The following GPC5 variants were observed in gnomAD, a reference collection of about 807,000 sequenced individuals.
GPC5 encodes the protein glypican-5.
In GPC5, 47 loss-of-function variants were observed where a neutral mutation model predicts 53.9. The observed-to-expected ratio is 0.87, with a 90% CI of 0.69 to 1.11. The LOEUF (loss-of-function observed/expected upper bound fraction) is 1.11, where lower values mean the gene tolerates loss of function less well. GPC5 is among the 50% of genes most tolerant of loss of function. The pLI, the probability that GPC5 is intolerant of heterozygous loss-of-function variation, is 0.00. For missense variants in GPC5, 748 were observed against 713.1 expected, an observed-to-expected ratio of 1.05 and a Z score of -0.56; for synonymous variants, 286 against 263.3, an observed-to-expected ratio of 1.09 and a Z score of -0.84.
chr13:92,654,734 C>T (rs1886069419), intron 7 of GPC5, among the ~76,000 whole-genome samples: 1 of 137,896 alleles, frequency 7.3e-6, no homozygotes, highest in Non-Finnish European at 1.5e-5. Flanking sequence ...ATACTCAACT[C>T]TTTTTACCTT....
chr13:92,355,451 C>T (rs1013138873), intron 7 of GPC5, among the ~76,000 whole-genome samples: 4 of 152,178 alleles, frequency 2.6e-5, no homozygotes, highest in Admixed American at 1.3e-4. Flanking sequence ...AGCATTCCTT[C>T]TTGATTTGCA....
At chr13:92,040,882 C>T (rs2040936474) in intron 6 of GPC5, among the ~76,000 whole-genome samples, 1 of 152,130 alleles carries the variant, frequency 6.6e-6, no homozygotes, top group Non-Finnish European at 1.5e-5. Flanking sequence ...CAAAGTTTTG[C>T]TTTTGTTACC....
At chr13:92,317,661 T>C (rs1039575152) in intron 7 of GPC5, among the ~76,000 whole-genome samples, 1 of 43,718 alleles carries the variant, frequency 2.3e-5, no homozygotes, top group Non-Finnish European at 3.9e-5. Context: ...GTCTGCTAAT[T>C]TTTTTTATTT....
chr13:92,625,716 TC>T (rs1885025570), intron 7 of GPC5, among the ~76,000 whole-genome samples: 1 of 152,212 alleles, frequency 6.6e-6, no homozygotes, highest in Non-Finnish European at 1.5e-5. Flanking sequence ...AGCAGTCTGT[TC>T]CTTGAAGTAA....
At chr13:91,966,763 A>T (rs367987571) in intron 6 of GPC5, among the ~76,000 whole-genome samples, 16 of 152,210 alleles carry the variant, frequency 1.1e-4, no homozygotes, top group African/African-American at 3.6e-4. Flanking sequence ...AAAAGGCCTG[A>T]TTCACTTAAA....
At chr13:92,741,432 C>T (rs1889090921) in intron 7 of GPC5, among the ~76,000 whole-genome samples, 1 of 151,814 alleles carries the variant, frequency 6.6e-6, no homozygotes. Flanking sequence ...ATAAGATGTG[C>T]CTCCTCAAAC....
intron 7 of GPC5, among the ~76,000 whole-genome samples, chr13:92,602,162 A>G (rs1300168421): frequency 6.9e-6 from 1 of 145,476 alleles, no homozygotes. Flanking sequence ...TACACACTAT[A>G]TACAAATACA....
chr13:91,845,528 A>C (rs966262761), intron 5 of GPC5, among the ~76,000 whole-genome samples: 1 of 152,182 alleles, frequency 6.6e-6, no homozygotes, highest in African/African-American at 2.4e-5. Context: ...TGAGGTATAC[A>C]GTACAGTATT....
At chr13:91,953,624 T>C (rs2040047246) in intron 6 of GPC5, among the ~76,000 whole-genome samples, 1 of 152,314 alleles carries the variant, frequency 6.6e-6, no homozygotes, top group South Asian at 2.1e-4. Flanking sequence ...TAAAATACAA[T>C]AGATTGGTTA....
chr13:92,861,786 A>G (rs1429123269), intron 7 of GPC5, among the ~76,000 whole-genome samples: 3 of 152,170 alleles, frequency 2.0e-5, no homozygotes, highest in African/African-American at 7.2e-5. Flanking sequence ...AACTGTATAT[A>G]AATAAAAATA....
intron 2 of GPC5, among the ~76,000 whole-genome samples, chr13:91,600,305 CAGAGAGAGAGAGAGAGAGAGAGAGAGAG>C (rs67108031): frequency 2.3e-4 from 33 of 146,658 alleles, no homozygotes; most frequent in Non-Finnish European, 3.3e-4. Flanking sequence ...GTTCATTTTA[CAGAGAGAGAGAGAGAGAGAGAGAGAGAG>C]AGAGAGAGAG....
chr13:91,921,753 C>G (rs981217601), intron 6 of GPC5, among the ~76,000 whole-genome samples: 1 of 150,392 alleles, frequency 6.6e-6, no homozygotes, highest in Non-Finnish European at 1.5e-5. Flanking sequence ...TGAGACTAGC[C>G]TGGGCAACAT....
intron 7 of GPC5, among the ~76,000 whole-genome samples, chr13:92,150,941 A>T (rs1374907625): frequency 6.6e-6 from 1 of 151,914 alleles, no homozygotes; most frequent in African/African-American, 2.4e-5. Flanking sequence ...TTTTCTCATG[A>T]CTTAGCCAAA....
In GPC5 at chr13:92,480,596, T is replaced by G. The variant is rs1448851940; in HGVS notation, c.1561+335607T>G. Among the ~76,000 whole-genome samples the G allele has an allele frequency of 2.6e-5, 4 of 152,276 alleles. No homozygotes were observed. In the East Asian group the frequency reaches 7.7e-4, roughly 29 times the overall value. ...CTTTGGAATGGTCTTTCTCTCACATTTCTAGTCTCATGGTCGCAAGATGAC... is the reference window on the plus strand; with the variant it reads ...CTTTGGAATGGTCTTTCTCTCACATGTCTAGTCTCATGGTCGCAAGATGAC... On this transcript the variant is annotated intron_variant, in intron 7 of 7. Transcript: ENST00000377067.
At chr13:92,096,555 G>A (rs2041423668) in intron 6 of GPC5, among the ~76,000 whole-genome samples, 1 of 152,160 alleles carries the variant, frequency 6.6e-6, no homozygotes, top group Non-Finnish European at 1.5e-5. Flanking sequence ...GTGAGAGGTG[G>A]TACATTTTGG....
intron 7 of GPC5, among the ~76,000 whole-genome samples, chr13:92,302,654 C>T (rs2043083550): frequency 6.6e-6 from 1 of 152,122 alleles, no homozygotes; most frequent in African/African-American, 2.4e-5. Context: ...GAATAGTTAG[C>T]AAGTACATTA....
At chr13:92,751,705 C>T (rs925529954) in intron 7 of GPC5, among the ~76,000 whole-genome samples, 3 of 151,796 alleles carry the variant, frequency 2.0e-5, no homozygotes, top group Non-Finnish European at 4.4e-5. Flanking sequence ...ATGTAACAAA[C>T]CTGCACGTTG....
chr13:92,493,608 T>C (rs1879849616), intron 7 of GPC5, among the ~76,000 whole-genome samples: 1 of 152,228 alleles, frequency 6.6e-6, no homozygotes, highest in African/African-American at 2.4e-5. Context: ...TCAAGGTCTG[T>C]CTTCAAGATA....
chr13:92,027,375 T>C (rs2040809037), intron 6 of GPC5, among the ~76,000 whole-genome samples: 1 of 152,086 alleles, frequency 6.6e-6, no homozygotes, highest in Non-Finnish European at 1.5e-5. Context: ...ACAAAACCAA[T>C]TTTTTTCTCA....
Sources: allele counts gnomAD v4.1 joint callset (sites outside exome capture counted in the v4.1 genomes callset), GRCh38; gene constraint gnomAD v4.1.1; transcripts MANE v1.5; gene names NCBI Gene and HGNC (gene_info 2026-07-23, HGNC 2026-07-21).